Variants in KDR observed in about 807,000 individuals in gnomAD.
KDR encodes the protein vascular endothelial growth factor receptor 2.
KDR carries 43 observed loss-of-function variants against 160.9 expected under a neutral mutation model. The ratio of observed to expected loss-of-function variants is 0.27; its 90% CI spans 0.21 to 0.34. KDR has a LOEUF of 0.34. KDR is among the 10% of genes least tolerant of loss of function. KDR has a pLI of 1.00. For missense variants in KDR, 1,469 were observed against 1,666.4 expected (o/e 0.88, Z 2.06); for synonymous variants, 617 against 600.1 (o/e 1.03, Z -0.41).
At chr4:55,107,682 C>G in intron 10 of KDR, 55 bp downstream of exon 10, 1 of 1,610,620 alleles carries the variant, frequency 6.2e-7, no homozygotes, top group Non-Finnish European at 8.5e-7. Flanking sequence ...TATCATAGCT[C>G]AGCTGTAAGA....
In KDR at chr4:55,093,649, C is replaced by T. The variant is rs112070731; in HGVS notation, c.2972-935G>A. On this transcript the variant is annotated intron_variant, in intron 21 of 29. Transcript: ENST00000263923. ...GCTTCTAGACCAAGTCCCAGCCTCACACTACCTTCTCAGCTTCTAAGGAAA... is the reference window on the plus strand; with the variant it reads ...GCTTCTAGACCAAGTCCCAGCCTCATACTACCTTCTCAGCTTCTAAGGAAA... 8.0e-3 allele frequency among the ~76,000 whole-genome samples: 1,214 copies of T among 152,294 alleles called. 23 individuals are homozygous for T. The highest frequency in any genetic ancestry group is 0.028 in the African/African-American group (1,163 of 41,556).
intron 1 of KDR, among the ~76,000 whole-genome samples, chr4:55,124,929 C>G (rs1720992468): frequency 6.6e-6 from 1 of 152,170 alleles, no homozygotes; most frequent in Non-Finnish European, 1.5e-5. Flanking sequence ...CTTCCCACCC[C>G]AGCCTCCCAA....
intron 2 of KDR, 81 bp downstream of exon 2, chr4:55,121,016 C>T: frequency 1.1e-6 from 1 of 940,014 alleles, no homozygotes; most frequent in Non-Finnish European, 1.7e-6. Flanking sequence ...TATTATAATT[C>T]TGCTCTACTG....
Position 55,110,435 on chromosome 4 carries a change from T to C in KDR, c.1223A>G (p.Lys408Arg), listed in dbSNP as rs2110027261. Residue 408 changes from lysine to arginine, a missense_variant, in exon 9 of 30, where the codon AAG becomes AGG. Lys to Arg is a conservative substitution (Grantham distance 26). Around this residue, in one of 7 missense-constraint regions of KDR, gnomAD observed 792 missense variants for 840.9 expected, o/e 0.94. Coordinates refer to ENST00000263923, the MANE Select transcript of KDR (RefSeq NM_002253.4). ...AACCAGAGAGACCACATGGCTCTGCTTCTCCTTTGAAATGGGATTGGTAAG... is the reference window on the plus strand; with the variant it reads ...AACCAGAGAGACCACATGGCTCTGCCTCTCCTTTGAAATGGGATTGGTAAG... ...VILTNPISKE[K>R]QSHVVSLVVY... The C allele has an allele frequency of 1.2e-6, 2 of 1,614,126 alleles. No homozygotes were observed. The highest frequency in any genetic ancestry group is 1.7e-6 in the Non-Finnish European group (2 of 1,179,986).
In KDR at chr4:55,119,384, G is replaced by A. The variant is rs187020953; in HGVS notation, c.162-584C>T. ...TATGTGCCAAACTTGTTAAGGACTA[G>A]AGAAAGAGCAGTGAACAAATCAGAC... is the stretch of plus-strand genomic sequence containing the variant. On this transcript the variant is annotated intron_variant, in intron 2 of 29. Coordinates refer to ENST00000263923, the MANE Select transcript of KDR (RefSeq NM_002253.4). Among the ~76,000 whole-genome samples, 230 of 152,318 alleles carry A rather than the reference G, an allele frequency of 1.5e-3. 5 individuals are homozygous for A. The highest frequency in any genetic ancestry group is 3.1e-4 in the Non-Finnish European group (21 of 68,030).
chr4:55,113,272 G>A (rs952786696), intron 7 of KDR, 32 bp downstream of exon 7: 1 of 1,601,446 alleles, frequency 6.2e-7, no homozygotes, highest in African/African-American at 1.3e-5. Flanking sequence ...CACTTGTCAA[G>A]GCACAGAATA....
Position 55,080,137 on chromosome 4 carries a change from T to A in KDR, c.3875A>T (p.Glu1292Val). 2 of 1,613,568 alleles carry A rather than the reference T, an allele frequency of 1.2e-6. No homozygotes were observed. The highest frequency in any genetic ancestry group is 1.7e-6 in the Non-Finnish European group (2 of 1,180,028). ...FGGMVPSKSR[E>V]SVASEGSNQT... is the part of the protein sequence containing the mutation. ...GTTTGAGCCTTCAGATGCCACAGAC[T>A]CCCTGCTTTTGCTGGGCACCATTCC... is the stretch of plus-strand genomic sequence containing the variant. Residue 1292 changes from glutamate to valine, a missense_variant, in exon 30 of 30, where the codon GAG becomes GTG. By Grantham distance (121) the Glu-to-Val change is moderately radical. This residue lies in a region of KDR where 229 missense variants were observed against 197.8 expected (regional missense o/e 1.16). Coordinates refer to ENST00000263923, the MANE Select transcript of KDR (RefSeq NM_002253.4).
At chr4:55,103,899 A>G (rs1366639245) in intron 13 of KDR, among the ~76,000 whole-genome samples, 6 of 152,068 alleles carry the variant, frequency 3.9e-5, no homozygotes, top group African/African-American at 7.3e-5. Context: ...TCCCACAGAC[A>G]AAGCCATGGC....
intron 14 of KDR, 43 bp from the exon 15 acceptor site, chr4:55,102,071 A>C (rs758862821): frequency 6.2e-7 from 1 of 1,612,616 alleles, no homozygotes; most frequent in Non-Finnish European, 8.5e-7. Context: ...ATGATGATGT[A>C]GTCTGTGAAG....
chr4:55,110,184 C>T (rs975333414), intron 9 of KDR, among the ~76,000 whole-genome samples: 1 of 152,136 alleles, frequency 6.6e-6, no homozygotes, highest in Non-Finnish European at 1.5e-5. Context: ...TTGCATTTGT[C>T]CACCACAAAG....
rs1384002932 is a variant in KDR, at chr4:55,092,669, A to G, written c.3017T>C (p.Ile1006Thr). The G allele has an allele frequency of 6.2e-7, 1 of 1,614,026 alleles. No homozygotes were observed. The highest frequency in any genetic ancestry group is 1.7e-5 in the Admixed American group (1 of 60,010). ...YKDFLTLEHL[I>T]CYSFQVAKGM... ...CTTAGCCACTTGGAAGCTGTAACAG[A>G]TGAGATGCTCCAAGGTCAGGAAGTC... Residue 1006 changes from isoleucine to threonine, a missense_variant, in exon 22 of 30, where the codon ATC becomes ACC. By Grantham distance (89) the Ile-to-Thr change is moderately conservative (BLOSUM62 -1). Around this residue, in one of 7 missense-constraint regions of KDR, gnomAD observed 8 missense variants for 41.7 expected, o/e 0.19. Coordinates refer to ENST00000263923, the MANE Select transcript of KDR (RefSeq NM_002253.4).
intron 9 of KDR, among the ~76,000 whole-genome samples, chr4:55,108,634 T>C (rs1014483738): frequency 6.6e-6 from 1 of 152,074 alleles, no homozygotes; most frequent in African/African-American, 2.4e-5. Context: ...AAGGAAGGTG[T>C]AAATCTTTAG....
Position 55,092,435 on chromosome 4 carries a change from C to T in KDR, c.3069+182G>A. 3 of 629,876 alleles carry T rather than the reference C, an allele frequency of 4.8e-6. No individual in the cohort carries two copies. In the South Asian group the frequency reaches 5.2e-5, roughly 11 times the overall value. The allele number at this position is 629,876 out of a possible 1,614,324, so 39.0% of individuals were successfully genotyped here. ...AAGCCTTTATTATACAGCTTAATTT[C>T]ATGAACTCCTTAACCACTCTTACTC... On this transcript the variant is annotated intron_variant, in intron 22 of 29. Coordinates refer to ENST00000263923, the MANE Select transcript of KDR (RefSeq NM_002253.4).
chr4:55,098,069 A>T, intron 17 of KDR, 68 bp downstream of exon 17: 1 of 1,571,792 alleles, frequency 6.4e-7, no homozygotes, highest in Non-Finnish European at 8.8e-7. Context: ...CACATTTGTC[A>T]TCATTCTAAT....
chr4:55,120,582 C>T (rs1720845047), intron 2 of KDR, among the ~76,000 whole-genome samples: 1 of 152,012 alleles, frequency 6.6e-6, no homozygotes. Flanking sequence ...AGTAATATTA[C>T]CCACTAAATA....
intron 18 of KDR, 191 bp from the exon 19 acceptor site, chr4:55,096,533 A>G: frequency 1.7e-6 from 1 of 586,680 alleles, no homozygotes; most frequent in South Asian, 2.1e-5. Flanking sequence ...AATAAAATTC[A>G]TATTTTAAGT....
chr4:55,105,839 G>C lies in KDR; in HGVS notation c.1638C>G (p.His546Gln). The C allele has an allele frequency of 6.3e-7, 1 of 1,597,438 alleles. No homozygotes were observed. Among genetic ancestry groups the C allele is most frequent in the Non-Finnish European group, 8.6e-7 (1 of 1,164,810 alleles). Reference protein sequence around the residue: ...VGRGERVISFHVTRGPEITLQ... With the variant: ...VGRGERVISFQVTRGPEITLQ... ...CCAGAGAAGAGTACTTACTGGTCACGTGGAAGGAGATCACCCTCTCTCCTC... is the reference window on the plus strand; with the variant it reads ...CCAGAGAAGAGTACTTACTGGTCACCTGGAAGGAGATCACCCTCTCTCCTC... The change falls in exon 12 of 30, where the codon CAC (histidine) becomes CAG (glutamine). Residue 546 changes from histidine to glutamine, a missense_variant. Physicochemically the swap from His to Gln is conservative, Grantham distance 24. Coordinates refer to ENST00000263923, the MANE Select transcript of KDR (RefSeq NM_002253.4).
Position 55,079,905 on chromosome 4 carries a change from G to T in KDR, c.*36C>A. The T allele has an allele frequency of 6.5e-7, 1 of 1,537,664 alleles. No homozygotes were observed. Among genetic ancestry groups the T allele is most frequent in the Non-Finnish European group, 9.0e-7 (1 of 1,110,752 alleles). ...TGAAAATCTGAGCAGCACCTCTCAT[G>T]TGATGTCCAGGAGTTGGGGGTGTGG... On this transcript the variant is annotated 3_prime_UTR_variant, in exon 30 of 30. Transcript: ENST00000263923.
intron 27 of KDR, among the ~76,000 whole-genome samples, chr4:55,084,459 G>C (rs924484120): frequency 4.6e-5 from 7 of 152,160 alleles, no homozygotes; most frequent in Non-Finnish European, 8.8e-5. Flanking sequence ...GCCTTAGAAA[G>C]GACAGCTCCT....
Sources: gnomAD v4.1 joint callset for allele counts (sites outside exome capture counted in the v4.1 genomes callset) on GRCh38, gnomAD v4.1.1 for gene constraint, gnomAD v4.1.1 regional missense constraint, MANE v1.5 for transcripts, NCBI Gene and HGNC (gene_info 2026-07-23, HGNC 2026-07-21) for gene names.